Variants in MTUS2 observed in about 807,000 individuals in gnomAD.
MTUS2 encodes microtubule associated scaffold protein 2, also known as microtubule-associated tumor suppressor candidate 2.
Under a neutral mutation model 114.1 loss-of-function variants are expected in MTUS2, and 40 were observed. That is an observed-to-expected ratio of 0.35 (90% CI 0.27 to 0.46). The LOEUF is 0.46. MTUS2 is among the 20% of genes least tolerant of loss of function. The pLI is 1.00. For missense variants in MTUS2, 1,679 were observed against 1,705.4 expected, an observed-to-expected ratio of 0.98 and a Z score of 0.27; for synonymous variants, 688 against 672.0, an observed-to-expected ratio of 1.02 and a Z score of -0.37.
intron 2 of MTUS2, among the ~76,000 whole-genome samples, chr13:29,009,135 C>T (rs1885728143): frequency 6.6e-6 from 1 of 151,638 alleles, no homozygotes; most frequent in Non-Finnish European, 1.5e-5. Context: ...TATTTATTCC[C>T]TGTCTCTTTC....
chr13:28,932,334 AG>A (rs1881664183), intron 2 of MTUS2, among the ~76,000 whole-genome samples: 1 of 152,218 alleles, frequency 6.6e-6, no homozygotes, highest in Non-Finnish European at 1.5e-5. Context: ...TAAGTAATGC[AG>A]GGATAATTTG....
intron 5 of MTUS2, among the ~76,000 whole-genome samples, chr13:29,254,625 T>C (rs1242118858): frequency 6.6e-6 from 1 of 152,248 alleles, no homozygotes; most frequent in Non-Finnish European, 1.5e-5. Flanking sequence ...AAACATACCA[T>C]TAACGAAGAA....
At chr13:29,445,918 AAAG>A (rs1878245001) in intron 9 of MTUS2, among the ~76,000 whole-genome samples, 1 of 151,926 alleles carries the variant, frequency 6.6e-6, no homozygotes, top group Non-Finnish European at 1.5e-5. Flanking sequence ...CAAAAAAAAA[AAAG>A]AGAGAGTTTA....
At chr13:29,423,235 G>A (rs1037301010) in intron 8 of MTUS2, among the ~76,000 whole-genome samples, 1 of 152,200 alleles carries the variant, frequency 6.6e-6, no homozygotes, top group South Asian at 2.1e-4. Context: ...TTTATTCAGT[G>A]ATTTCTTCAA....
chr13:29,165,647 A>G (rs979543171), intron 5 of MTUS2, among the ~76,000 whole-genome samples: 3 of 152,218 alleles, frequency 2.0e-5, no homozygotes, highest in Admixed American at 6.5e-5. Context: ...TAAGGGTTTT[A>G]TGTTTTGATG....
chr13:28,872,358 C>T (rs948898884), intron 2 of MTUS2, among the ~76,000 whole-genome samples: 1 of 152,080 alleles, frequency 6.6e-6, no homozygotes, highest in Non-Finnish European at 1.5e-5. Context: ...TGGGGGAATA[C>T]TTGGAGAATA....
chr13:29,435,347 C>T (rs1877326855), intron 8 of MTUS2, among the ~76,000 whole-genome samples: 4 of 152,174 alleles, frequency 2.6e-5, no homozygotes, highest in Admixed American at 6.5e-5. Flanking sequence ...ACTTGGCACT[C>T]ATTAGGAATT....
intron 8 of MTUS2, among the ~76,000 whole-genome samples, chr13:29,398,611 A>T (rs1874094517): frequency 6.6e-6 from 1 of 152,126 alleles, no homozygotes. Context: ...AAAAATCTAA[A>T]TTGGAAATAA....
At chr13:29,245,133 G>A (rs73449402) in intron 5 of MTUS2, among the ~76,000 whole-genome samples, 48 of 152,144 alleles carry the variant, frequency 3.2e-4, no homozygotes, top group African/African-American at 1.1e-3. Flanking sequence ...GAATAAGAGA[G>A]GACAATCATA....
chr13:28,951,387 T>C (rs1483096281), intron 2 of MTUS2, among the ~76,000 whole-genome samples: 7 of 152,266 alleles, frequency 4.6e-5, no homozygotes, highest in African/African-American at 7.2e-5. Flanking sequence ...CAACATTTTA[T>C]AGTCTTTCAC....
chr13:29,238,375 C>G (rs1319733620), intron 5 of MTUS2, among the ~76,000 whole-genome samples: 2 of 152,316 alleles, frequency 1.3e-5, no homozygotes, highest in East Asian at 3.9e-4. Flanking sequence ...AATAGGCTGT[C>G]TGCAAGCTGA....
chr13:28,855,197 T>A (rs1041462079), intron 2 of MTUS2, among the ~76,000 whole-genome samples: 1 of 152,178 alleles, frequency 6.6e-6, no homozygotes, highest in African/African-American at 2.4e-5. Flanking sequence ...GTTTTTTTTT[T>A]ATTTTAATAG....
intron 5 of MTUS2, among the ~76,000 whole-genome samples, chr13:29,257,460 A>C (rs1311533142): frequency 6.6e-6 from 1 of 152,210 alleles, no homozygotes; most frequent in South Asian, 2.1e-4. Context: ...CAGGCATGGA[A>C]TGCGAAAGGC....
chr13:28,969,565 C>G (rs771901428), intron 2 of MTUS2, among the ~76,000 whole-genome samples: 1 of 151,916 alleles, frequency 6.6e-6, no homozygotes, highest in Non-Finnish European at 1.5e-5. Context: ...TGCAGTGGCG[C>G]GATCTTGACT....
intron 2 of MTUS2, among the ~76,000 whole-genome samples, chr13:28,973,662 T>G (rs900179627): frequency 1.3e-5 from 2 of 152,214 alleles, no homozygotes; most frequent in African/African-American, 4.8e-5. Context: ...CTGGTGAGGC[T>G]AAGAATAAGT....
chr13:29,154,008 G>T (rs1459243210), intron 5 of MTUS2, among the ~76,000 whole-genome samples: 1 of 152,166 alleles, frequency 6.6e-6, no homozygotes, highest in African/African-American at 2.4e-5. Flanking sequence ...GAATCTACTT[G>T]TCCCTGTTCA....
intron 4 of MTUS2, among the ~76,000 whole-genome samples, chr13:29,059,775 T>C (rs548201740): frequency 6.6e-6 from 1 of 152,322 alleles, no homozygotes; most frequent in East Asian, 1.9e-4. Context: ...CAGGAGGCCA[T>C]GCCTGCTGGC....
chr13:28,833,310 A>G (rs1431301078), intron 1 of MTUS2, among the ~76,000 whole-genome samples: 4 of 152,158 alleles, frequency 2.6e-5, no homozygotes, highest in Admixed American at 6.5e-5. Flanking sequence ...AAAAATCTGC[A>G]AGAAAATACT....
At position 29,271,375 on chromosome 13, in the gene MTUS2, C is replaced by T. The variant is rs147875936; in HGVS notation, c.2645-10329C>T. Among the ~76,000 whole-genome samples, 773 of 152,294 alleles carry T rather than the reference C, an allele frequency of 5.1e-3. 10 individuals are homozygous for T. The highest frequency in any genetic ancestry group is 0.018 in the African/African-American group (740 of 41,556). ...TTCCTCCCGAATTTTACTCTTCAAC[C>T]AAACCAGACTGCTTGCCAATCATGC... On this transcript the variant is annotated intron_variant, in intron 5 of 15. Coordinates refer to ENST00000612955, the MANE Select transcript of MTUS2 (RefSeq NM_001033602.4).
Sources: allele counts gnomAD v4.1 joint callset (sites outside exome capture counted in the v4.1 genomes callset), GRCh38; gene constraint gnomAD v4.1.1; transcripts MANE v1.5; gene names NCBI Gene and HGNC (gene_info 2026-07-23, HGNC 2026-07-21).